Variants in CACNA2D4 observed in about 807,000 individuals in gnomAD.
CACNA2D4 encodes voltage-dependent calcium channel subunit alpha-2/delta-4.
A neutral mutation model predicts 163.8 loss-of-function variants in CACNA2D4; 157 were observed. The observed-to-expected ratio is 0.96, with a 90% confidence interval of 0.84 to 1.09. The LOEUF (loss-of-function observed/expected upper bound fraction) is 1.09. CACNA2D4 is among the 50% of genes least tolerant of loss of function. CACNA2D4 has a pLI of 0.00. For missense variants in CACNA2D4, 1,410 were observed against 1,479.9 expected (o/e 0.95, Z 0.78); for synonymous variants, 598 against 586.9 (o/e 1.02, Z -0.27).
intron 13 of CACNA2D4, 69 bp from the exon 14 acceptor site, chr12:1,879,950 AC>A: frequency 1.9e-6 from 2 of 1,060,598 alleles, no homozygotes; most frequent in Non-Finnish European, 2.8e-6. Context: ...CACTCGGAGC[AC>A]CCAGTGCGGA....
intron 6 of CACNA2D4, among the ~76,000 whole-genome samples, chr12:1,900,840 C>G (rs371184117): frequency 6.6e-6 from 1 of 152,162 alleles, no homozygotes; most frequent in Non-Finnish European, 1.5e-5. Context: ...ATCTGCACTA[C>G]GGGCCAAATA....
At position 1,793,663 on chromosome 12, in the gene CACNA2D4, G is replaced by T; in HGVS notation, c.3406C>A (p.Leu1136Met). Residue 1136 changes from leucine to methionine, a missense_variant, in exon 38 of 38, where the codon CTG becomes ATG. Transcript: ENST00000382722. ...GGTCAGGCTGGGTGGTGTCACCGCAGGAGTTGGGGCAGTAGCCCCCAGGCA... is the reference window on the plus strand; with the variant it reads ...GGTCAGGCTGGGTGGTGTCACCGCATGAGTTGGGGCAGTAGCCCCCAGGCA... ...VCAWGLLPQL[L>M]R 6.2e-7 allele frequency: 1 copy of T among 1,613,788 alleles called. No homozygotes were observed. Among genetic ancestry groups the T allele is most frequent in the Non-Finnish European group, 8.5e-7 (1 of 1,179,774 alleles).
intron 1 of CACNA2D4, chr12:1,918,010 C>A (rs1592757992): frequency 6.1e-6 from 3 of 490,934 alleles, no homozygotes; most frequent in East Asian, 3.9e-5. Context: ...TAAAGCCATC[C>A]GGCTCCTGGG....
intron 18 of CACNA2D4, among the ~76,000 whole-genome samples, chr12:1,863,032 T>C (rs931329407): frequency 6.6e-6 from 1 of 152,248 alleles, no homozygotes; most frequent in African/African-American, 2.4e-5. Context: ...GATTTTCCCC[T>C]ATTTTTTCTT....
At chr12:1,817,941 G>C (rs1426845676) in intron 26 of CACNA2D4, among the ~76,000 whole-genome samples, 1 of 151,788 alleles carries the variant, frequency 6.6e-6, no homozygotes, top group East Asian at 1.9e-4. Context: ...CCGCCTGGCC[G>C]CCCATCGTCT....
At chr12:1,797,015 G>A (rs1592645174) in intron 35 of CACNA2D4, among the ~76,000 whole-genome samples, 1 of 152,228 alleles carries the variant, frequency 6.6e-6, no homozygotes, top group South Asian at 2.1e-4. Flanking sequence ...TTCTCCCCAC[G>A]CAGCTCAGGC....
At chr12:1,898,373 TCAA>T (rs60530609) in intron 6 of CACNA2D4, among the ~76,000 whole-genome samples, 6 of 151,518 alleles carry the variant, frequency 4.0e-5, no homozygotes, top group East Asian at 3.9e-4. Context: ...CTCCTATGAC[TCAA>T]CAACAACAAC....
Position 1,799,099 on chromosome 12 carries a change from C to A in CACNA2D4, c.2995+576G>T, listed in dbSNP as rs1863224665. ...AGGAACTGAGCAGAGCCCGCTGAGGCAAGATGGCCTCCTGCAGTCATGGAG... is the reference window on the plus strand; with the variant it reads ...AGGAACTGAGCAGAGCCCGCTGAGGAAAGATGGCCTCCTGCAGTCATGGAG... On this transcript the variant is annotated intron_variant, in intron 34 of 37. Coordinates refer to ENST00000382722, the MANE Select transcript of CACNA2D4 (RefSeq NM_172364.5). The surrounding 1 kb of genome is among the most constrained non-coding windows in gnomAD (Gnocchi z 4.7). Among the ~76,000 whole-genome samples, 1 of 152,306 alleles carries A rather than the reference C, an allele frequency of 6.6e-6. No individual in the cohort carries two copies. Among genetic ancestry groups the A allele is most frequent in the South Asian group, 2.1e-4 (1 of 4,828 alleles).
At position 1,820,792 on chromosome 12, in the gene CACNA2D4, G is replaced by A. The variant is rs4765845; in HGVS notation, c.2552-9069C>T. 0.41 allele frequency: 62,872 copies of A among 152,246 alleles called. 14,412 individuals carry two copies. The highest frequency in any genetic ancestry group is 0.63 in the East Asian group (3,255 of 5,160). 9.4% of individuals were successfully genotyped at this position (152,246 alleles called of 1,614,324 possible). A position where few individuals can be genotyped will look rare whatever the true frequency, so the allele number is the denominator to read the frequency against. On this transcript the variant is annotated intron_variant, in intron 26 of 37. Coordinates refer to ENST00000382722, the MANE Select transcript of CACNA2D4 (RefSeq NM_172364.5). The surrounding 1 kb of genome is among the most constrained non-coding windows in gnomAD (Gnocchi z 6.0). ...GGTTGAGAGCCACCTGATTGAAGGCGTTTGCAGTCAGAGTAAAGACGGGTG... is the reference window on the plus strand; with the variant it reads ...GGTTGAGAGCCACCTGATTGAAGGCATTTGCAGTCAGAGTAAAGACGGGTG...
chr12:1,913,286 C>T (rs1565743428), intron 2 of CACNA2D4, 147 bp from the exon 3 acceptor site: 1 of 663,164 alleles, frequency 1.5e-6, no homozygotes, highest in East Asian at 2.7e-5. Context: ...CCAGCCCTCT[C>T]CTCCCTGGAC....
At chr12:1,830,948 G>A in intron 26 of CACNA2D4, 1 of 1,601,944 alleles carries the variant, frequency 6.2e-7, no homozygotes, top group Non-Finnish European at 8.5e-7. Flanking sequence ...TCACCTGCTG[G>A]ATCGCCCTGT....
Position 1,797,300 on chromosome 12 carries a change from T to TC in CACNA2D4, c.3113+117dup, listed in dbSNP as rs1863158326. 3 of 758,892 alleles carry TC rather than the reference T, an allele frequency of 4.0e-6. No homozygotes were observed. The Admixed American group carries it at 6.2e-5, about 16-fold the overall frequency. The allele number at this position is 758,892 out of a possible 1,614,324, so 47.0% of individuals were successfully genotyped here. A position where few individuals can be genotyped will look rare whatever the true frequency, so the allele number is the denominator to read the frequency against. On this transcript the variant is annotated intron_variant, in intron 35 of 37. Coordinates refer to ENST00000382722, the MANE Select transcript of CACNA2D4 (RefSeq NM_172364.5). ...AGCGTGGGCTCTGCACTTAGACGCA[T>TC]CCCCTCCTCCCGGCTGTGGAGCCGT...
At chr12:1,800,473 G>C (rs756213883) in intron 31 of CACNA2D4, 35 bp from the exon 32 acceptor site, 24 of 1,610,328 alleles carry the variant, frequency 1.5e-5, no homozygotes, top group African/African-American at 8.0e-5. Flanking sequence ...CTCGCACCTA[G>C]GTCCAAGGGT....
chr12:1,796,999 T>C (rs1863147862), intron 35 of CACNA2D4, among the ~76,000 whole-genome samples: 2 of 152,156 alleles, frequency 1.3e-5, no homozygotes, highest in South Asian at 4.1e-4. Context: ...CCCTCTGCCT[T>C]CCAAGTTCTC....
chr12:1,835,862 ACT>A (rs1235962901), intron 26 of CACNA2D4: 8 of 152,316 alleles, frequency 5.3e-5, no homozygotes, highest in African/African-American at 1.9e-4. Context: ...TGGCACCGTG[ACT>A]CTGTGCCTCT....
At chr12:1,912,318 C>G (rs1866844669) in intron 3 of CACNA2D4, among the ~76,000 whole-genome samples, 1 of 152,222 alleles carries the variant, frequency 6.6e-6, no homozygotes, top group South Asian at 2.1e-4. Context: ...TCTCCAACCA[C>G]ACTGTATCTA....
At chr12:1,848,762 A>AATTATTATTATTATTATTATTATTATT (rs146412961) in intron 23 of CACNA2D4, among the ~76,000 whole-genome samples, 123 of 147,366 alleles carry the variant, frequency 8.3e-4, no homozygotes, top group African/African-American at 3.0e-3. Context: ...AACCCATTGC[A>AATTATTATTATTATTATTATTATTATT]ATTATTATTA....
chr12:1,893,231 T>C (rs1385810225), intron 6 of CACNA2D4, among the ~76,000 whole-genome samples: 1 of 152,164 alleles, frequency 6.6e-6, no homozygotes, highest in African/African-American at 2.4e-5. Context: ...ACAGATCATA[T>C]ATTAAGACAC....
intron 6 of CACNA2D4, among the ~76,000 whole-genome samples, chr12:1,893,853 A>G (rs1866342766): frequency 6.6e-6 from 1 of 152,146 alleles, no homozygotes; most frequent in Non-Finnish European, 1.5e-5. Context: ...GGAAATATAA[A>G]AGCAAGAACA....
Sources: gnomAD v4.1 joint callset for allele counts (sites outside exome capture counted in the v4.1 genomes callset) on GRCh38, gnomAD v4.1.1 for gene constraint, Gnocchi (gnomAD v3.1) non-coding constraint, MANE v1.5 for transcripts, NCBI Gene and HGNC (gene_info 2026-07-23, HGNC 2026-07-21) for gene names.